Variants in SHC3 observed in about 807,000 individuals in gnomAD.
SHC3 encodes the protein SHC-transforming protein 3.
A neutral mutation model predicts 60.4 loss-of-function variants in SHC3; 15 were observed. The observed-to-expected ratio is 0.25, with a 90% CI of 0.17 to 0.38. SHC3 has a LOEUF of 0.38. Ranked by LOEUF, SHC3 falls within the 10% of genes least tolerant of loss-of-function variation. The probability of loss-of-function intolerance (pLI) is 1.00; values close to 1 mark genes in which losing one functional copy is unlikely to be tolerated. For missense variants in SHC3, 677 were observed against 786.1 expected, an observed-to-expected ratio of 0.86 and a Z score of 1.66; for synonymous variants, 294 against 325.9, an observed-to-expected ratio of 0.90 and a Z score of 1.05.
chr9:89,062,564 A>G (rs1825108477), intron 6 of SHC3, among the ~76,000 whole-genome samples: 1 of 152,238 alleles, frequency 6.6e-6, no homozygotes, highest in African/African-American at 2.4e-5. Context: ...AAGAATCAGC[A>G]CGGAAAAAGA....
intron 6 of SHC3, among the ~76,000 whole-genome samples, chr9:89,054,699 C>T (rs547395668): frequency 2.3e-4 from 35 of 152,342 alleles, no homozygotes; most frequent in Admixed American, 7.8e-4. Context: ...GCAGCCCATT[C>T]GTGCACAGAA....
rs988388427 is a variant in SHC3 at position 89,009,790 on chromosome 9, A to C, written c.*3657T>G. ...GTGTGACTGCCTTCAGGTAGCAGCC[A>C]GTTTGGAGGAAATGAGGACCCAGAC... On this transcript the variant is annotated 3_prime_UTR_variant, in exon 12 of 12. Coordinates refer to ENST00000375835, the MANE Select transcript of SHC3 (RefSeq NM_016848.6). 6 of 152,268 alleles carry C rather than the reference A, an allele frequency of 3.9e-5. No homozygotes were observed. The highest frequency in any genetic ancestry group is 3.3e-4 in the Admixed American group (5 of 15,292). 9.4% of individuals were successfully genotyped at this position (152,268 alleles called of 1,614,324 possible). A position where few individuals can be genotyped will look rare whatever the true frequency, so the allele number is the denominator to read the frequency against.
At chr9:89,164,471 T>A (rs1826756809) in intron 1 of SHC3, among the ~76,000 whole-genome samples, 1 of 152,006 alleles carries the variant, frequency 6.6e-6, no homozygotes, top group South Asian at 2.1e-4. Flanking sequence ...TTTCTCCATA[T>A]GGTTGGAGTA....
intron 1 of SHC3, among the ~76,000 whole-genome samples, chr9:89,157,852 C>T (rs1826647964): frequency 6.6e-6 from 1 of 152,032 alleles, no homozygotes; most frequent in Admixed American, 6.6e-5. Context: ...AAACTCTGAG[C>T]CTCAAGTGAC....
At chr9:89,175,286 T>G (rs1262769543) in intron 1 of SHC3, among the ~76,000 whole-genome samples, 1 of 152,242 alleles carries the variant, frequency 6.6e-6, no homozygotes, top group Non-Finnish European at 1.5e-5. Flanking sequence ...AGCCTTTCTG[T>G]GTGCATAGCC....
At chr9:89,119,742 C>T (rs1826064585) in intron 1 of SHC3, among the ~76,000 whole-genome samples, 1 of 152,144 alleles carries the variant, frequency 6.6e-6, no homozygotes, top group East Asian at 1.9e-4. Context: ...AATTAAGTTC[C>T]AACAGCACTT....
At chr9:89,018,437 A>G (rs1452848873) in intron 11 of SHC3, among the ~76,000 whole-genome samples, 2 of 152,186 alleles carry the variant, frequency 1.3e-5, no homozygotes, top group African/African-American at 4.8e-5. Context: ...TGGGAATTGA[A>G]CAATGAGAAC....
At position 89,077,869 on chromosome 9, in the gene SHC3, C is replaced by A. The variant is rs774423415; in HGVS notation, c.580G>T (p.Gly194Cys). The A allele has an allele frequency of 1.2e-6, 2 of 1,614,096 alleles. No individual in the cohort carries two copies. Among genetic ancestry groups the A allele is most frequent in the African/African-American group, 2.7e-5 (2 of 74,924 alleles). The change falls in exon 3 of 12, where the codon GGT becomes TGT. Residue 194 changes from glycine (G) to cysteine (C), a missense_variant. Transcript: ENST00000375835. ...CTCTTCTTGAAGGCTCCCTTCGCACCAGGCACAGCTTCACAGACGCGGCTG... is the reference window on the plus strand; with the variant it reads ...CTCTTCTTGAAGGCTCCCTTCGCACAAGGCACAGCTTCACAGACGCGGCTG... ...AISRVCEAVP[G>C]AKGAFKKRKP...
chr9:89,119,985 G>A (rs1000358510), intron 1 of SHC3, among the ~76,000 whole-genome samples: 1 of 152,164 alleles, frequency 6.6e-6, no homozygotes, highest in Non-Finnish European at 1.5e-5. Flanking sequence ...AGTACATTAA[G>A]AAGAGAATCC....
chr9:89,101,373 C>T (rs1461743843), intron 2 of SHC3, among the ~76,000 whole-genome samples: 1 of 151,998 alleles, frequency 6.6e-6, no homozygotes, highest in Non-Finnish European at 1.5e-5. Context: ...TACTTCTTGT[C>T]TAATTTGAAT....
At chr9:89,143,346 A>C (rs1186951266) in intron 1 of SHC3, among the ~76,000 whole-genome samples, 1 of 152,000 alleles carries the variant, frequency 6.6e-6, no homozygotes, top group East Asian at 1.9e-4. Flanking sequence ...GGTGGGAATT[A>C]GCCACCTTCT....
chr9:89,150,054 A>C (rs1420404672), intron 1 of SHC3, among the ~76,000 whole-genome samples: 1 of 152,224 alleles, frequency 6.6e-6, no homozygotes, highest in Non-Finnish European at 1.5e-5. Flanking sequence ...CCTAAAGTGC[A>C]AGAGTAGTGA....
intron 1 of SHC3, among the ~76,000 whole-genome samples, chr9:89,174,208 C>A (rs576808229): frequency 1.3e-5 from 2 of 152,166 alleles, no homozygotes; most frequent in South Asian, 4.1e-4. Flanking sequence ...CTATAAAAGG[C>A]AGTAGAGCAT....
At position 89,042,015 on chromosome 9, in the gene SHC3, CAG is replaced by C. The variant is rs1564094300; in HGVS notation, c.1360+9_1360+10del. On this transcript the variant is annotated intron_variant, in intron 10 of 11. Transcript: ENST00000375835. ...AAAAGAAAAGAAAACCAGAGACAAA[CAG>C]AAACCCACTCATGTCAAAGAGGTCT... The C allele has an allele frequency of 6.2e-7, 1 of 1,613,594 alleles. No individual in the cohort carries two copies.
At chr9:89,162,157 G>C (rs2118244313) in intron 1 of SHC3, among the ~76,000 whole-genome samples, 1 of 145,490 alleles carries the variant, frequency 6.9e-6, no homozygotes, top group South Asian at 2.2e-4. Context: ...CGTGAAAATG[G>C]CCATACTGCC....
At chr9:89,065,994 ATTGG>A (rs1825173483) in intron 5 of SHC3, among the ~76,000 whole-genome samples, 1 of 152,152 alleles carries the variant, frequency 6.6e-6, no homozygotes, top group Admixed American at 6.6e-5. Flanking sequence ...ATCCCATTTA[ATTGG>A]TTTGGATGTG....
chr9:89,102,810 T>G (rs919807337), intron 2 of SHC3, among the ~76,000 whole-genome samples: 2 of 152,250 alleles, frequency 1.3e-5, no homozygotes, highest in African/African-American at 2.4e-5. Flanking sequence ...CCATTGATGA[T>G]GTTAAGTGAG....
intron 10 of SHC3, among the ~76,000 whole-genome samples, chr9:89,040,177 T>G (rs1448592595): frequency 7.2e-6 from 1 of 139,634 alleles, no homozygotes; most frequent in Non-Finnish European, 1.6e-5. Flanking sequence ...ATCATCACTA[T>G]CAACACCACC....
chr9:89,026,343 A>C (rs998513117), intron 11 of SHC3, among the ~76,000 whole-genome samples: 1 of 151,814 alleles, frequency 6.6e-6, no homozygotes, highest in African/African-American at 2.4e-5. Flanking sequence ...TTTCATCTGC[A>C]TGGTAAAACC....
Sources: allele counts gnomAD v4.1 joint callset (sites outside exome capture counted in the v4.1 genomes callset), GRCh38; gene constraint gnomAD v4.1.1; transcripts MANE v1.5; gene names NCBI Gene and HGNC (gene_info 2026-07-23, HGNC 2026-07-21).